The following RNASE11 variants were observed in gnomAD, a reference collection of about 807,000 sequenced individuals.
RNASE11 encodes the protein ribonuclease A family member 11 (inactive), also known as putative inactive ribonuclease 11.
For missense variants in RNASE11, 252 were observed against 237.8 expected (o/e 1.06, Z -0.39); for synonymous variants, 105 against 86.1 (o/e 1.22, Z -1.21).
Position 20,583,781 on chromosome 14 carries a change from T to A in RNASE11, c.*94A>T, listed in dbSNP as rs79291081. The A allele has an allele frequency of 8.9e-3, 11,880 of 1,331,036 alleles. 205 individuals are homozygous for A. The highest frequency in any genetic ancestry group is 0.066 in the African/African-American group (4,507 of 67,998). The allele number at this position is 1,331,036 out of a possible 1,614,324, so 82.5% of individuals were successfully genotyped here. A position where few individuals can be genotyped will look rare whatever the true frequency, so the allele number is the denominator to read the frequency against. On this transcript the variant is annotated 3_prime_UTR_variant, in exon 2 of 2. Transcript: ENST00000553849. ...ATAAATAATCAGGAGTTCACTATAG[T>A]GCTAAAGAGTAGATATTAAGGAAAG...
chr14:20,583,129 G>A (rs1165417983), downstream of RNASE11: 1 of 152,194 alleles, frequency 6.6e-6, no homozygotes, highest in African/African-American at 2.4e-5. Flanking sequence ...AGTCCTGCCT[G>A]GTACTTAGCA....
At chr14:20,587,749 G>A (rs1055537060), upstream of RNASE11, 16 of 985,482 alleles carry the variant, frequency 1.6e-5, no homozygotes, top group South Asian at 4.7e-5. Context: ...TCACAAGGTT[G>A]CAAACTGTCC....
upstream of RNASE11, among the ~76,000 whole-genome samples, chr14:20,588,895 T>C (rs1432537165): frequency 6.6e-6 from 1 of 151,800 alleles, no homozygotes; most frequent in Non-Finnish European, 1.5e-5. Flanking sequence ...CAAGCGCTCC[T>C]CCTGTGTCAG....
At position 20,583,899 on chromosome 14, in the gene RNASE11, C is replaced by A. The variant is rs1884366039; in HGVS notation, c.576G>T (p.Trp192Cys). Residue 192 changes from tryptophan to cysteine, a missense_variant, in exon 2 of 2, where the codon TGG becomes TGT. Transcript: ENST00000553849. The stretch of plus-strand genomic sequence containing the variant: ...TTTACAACTTAGAGCCACAAACTAA[C>A]CAGCTCATCAGAGAATGACCTGTCA... 3.1e-6 allele frequency: 5 copies of A among 1,611,688 alleles called. No individual in the cohort carries two copies. Among genetic ancestry groups the A allele is most frequent in the Non-Finnish European group, 4.2e-6 (5 of 1,178,670 alleles).
Position 20,584,357 on chromosome 14 carries a change from CCATGT to C in RNASE11, c.113_117del (p.Asp38GlyfsTer11). ...GTCTGTTTTTCTTGGCCACTTTTTG[CCATGT>C]CATATTGCATCTCTTCGTCTGTAAA... On this transcript the variant is annotated frameshift_variant, in exon 2 of 2. Transcript: ENST00000553849. LOFTEE classifies it low-confidence loss of function (END_TRUNC). 1 of 1,614,070 alleles carries C rather than the reference CCATGT, an allele frequency of 6.2e-7. No individual in the cohort carries two copies. The highest frequency in any genetic ancestry group is 1.7e-5 in the Admixed American group (1 of 60,012).
intron 1 of RNASE11, among the ~76,000 whole-genome samples, chr14:20,586,961 G>A (rs1183016818): frequency 1.3e-5 from 2 of 152,152 alleles, no homozygotes; most frequent in African/African-American, 2.4e-5. Flanking sequence ...ACCAGCCTAG[G>A]CAACATAGTG....
upstream of RNASE11, among the ~76,000 whole-genome samples, chr14:20,589,826 G>A (rs1054651983): frequency 1.3e-5 from 2 of 152,124 alleles, no homozygotes; most frequent in Admixed American, 6.5e-5. Flanking sequence ...AGCAGAGGTT[G>A]CAGTGAGCCG....
At chr14:20,585,757 A>G (rs899291633) in intron 1 of RNASE11, among the ~76,000 whole-genome samples, 2 of 152,230 alleles carry the variant, frequency 1.3e-5, no homozygotes, top group African/African-American at 4.8e-5. Flanking sequence ...GTGTGTAATT[A>G]CTGCACACAC....
chr14:20,586,542 T>C (rs1884437883), intron 1 of RNASE11, among the ~76,000 whole-genome samples: 1 of 152,200 alleles, frequency 6.6e-6, no homozygotes, highest in South Asian at 2.1e-4. Context: ...GGATTATTGA[T>C]AGATTATTAA....
intron 1 of RNASE11, 68 bp downstream of exon 2, chr14:20,587,495 A>C: frequency 1.3e-6 from 1 of 753,824 alleles, no homozygotes; most frequent in Non-Finnish European, 1.6e-6. Context: ...CATTTCATCC[A>C]CTTCAAAGTT....
Position 20,584,351 on chromosome 14 carries a change from T to C in RNASE11, c.124A>G (p.Ser42Gly), listed in dbSNP as rs976294549. 3 of 1,614,070 alleles carry C rather than the reference T, an allele frequency of 1.9e-6. No homozygotes were observed. In the African/African-American group the frequency reaches 4.0e-5, roughly 22 times the overall value. Residue 42 changes from serine (S) to glycine (G), a missense_variant, in exon 2 of 2, where the codon AGT becomes GGT. Physicochemically the swap from Ser to Gly is moderately conservative, Grantham distance 56 (BLOSUM62 0). Transcript: ENST00000553849. ...TCAATGGTCTGTTTTTCTTGGCCAC[T>C]TTTTGCCATGTCATATTGCATCTCT...
exon 2 of RNASE11, chr14:20,584,067 G>GCTGGGGGCC (rs1282433082): frequency 1.2e-6 from 2 of 1,614,180 alleles, no homozygotes; most frequent in Non-Finnish European, 1.7e-6. Flanking sequence ...CAAACTTGCA[G>GCTGGGGGCC]CTGGGGGCCC....
At chr14:20,589,103 G>A (rs1031110871), upstream of RNASE11, among the ~76,000 whole-genome samples, 1 of 151,582 alleles carries the variant, frequency 6.6e-6, no homozygotes, top group African/African-American at 2.4e-5. Context: ...TAAATTTAAT[G>A]CAAAATAATC....
chr14:20,584,693 CTTATAATTTAT>C (rs1473409027), intron 1 of RNASE11, among the ~76,000 whole-genome samples, 197 bp from the exon 3 acceptor site: 1 of 152,168 alleles, frequency 6.6e-6, no homozygotes, highest in Non-Finnish European at 1.5e-5. Flanking sequence ...TGCTTTTCTG[CTTATAATTTAT>C]TCAACCTTAT....
exon 2 of RNASE11, chr14:20,584,401 A>G (rs1884388256): frequency 6.2e-7 from 1 of 1,614,066 alleles, no homozygotes; most frequent in Non-Finnish European, 8.5e-7. Flanking sequence ...TTCTTTAATT[A>G]TCTTCATTGT....
At chr14:20,584,275 G>T in exon 2 of RNASE11, 1 of 1,614,188 alleles carries the variant, frequency 6.2e-7, no homozygotes, top group Non-Finnish European at 8.5e-7. Context: ...ATCATCCTTG[G>T]ACATGCTGAG....
exon 1 of RNASE11, chr14:20,587,668 G>A: frequency 3.0e-6 from 3 of 985,328 alleles, no homozygotes; most frequent in Non-Finnish European, 3.6e-6. Flanking sequence ...CAGAGAACTA[G>A]AAAATGAAAC....
exon 2 of RNASE11, chr14:20,584,350 C>T: frequency 6.2e-7 from 1 of 1,614,136 alleles, no homozygotes; most frequent in East Asian, 2.2e-5. Context: ...TTCTTGGCCA[C>T]TTTTTGCCAT....
At chr14:20,587,776 C>T (rs1884466882), upstream of RNASE11, 1 of 985,446 alleles carries the variant, frequency 1.0e-6, no homozygotes, top group East Asian at 1.1e-4. Flanking sequence ...TACGATTATC[C>T]CCCAACGCCC....
Sources: allele counts gnomAD v4.1 joint callset (sites outside exome capture counted in the v4.1 genomes callset), GRCh38; gene constraint gnomAD v4.1.1; transcripts MANE v1.5; gene names NCBI Gene and HGNC (gene_info 2026-07-23, HGNC 2026-07-21).